WDR27: variants seen among roughly 807,000 people sequenced by gnomAD.
WDR27 encodes the protein WD repeat domain 27.
WDR27 carries 100 observed loss-of-function variants against 114.4 expected under a neutral mutation model. That is an observed-to-expected ratio of 0.87 (90% CI 0.74 to 1.03). The LOEUF is 1.03. Among genes scored for constraint, WDR27 ranks in the 50% least tolerant of loss-of-function variants. The pLI, the probability that WDR27 is intolerant of heterozygous loss-of-function variation, is 0.00. For synonymous variants in WDR27, 449 were observed against 423.1 expected, an observed-to-expected ratio of 1.06 and a Z score of -0.75; for missense variants, 1,129 against 1,092.9, an observed-to-expected ratio of 1.03 and a Z score of -0.47.
At chr6:169,687,348 GC>G (rs1279578480) in intron 2 of WDR27, among the ~76,000 whole-genome samples, 1 of 151,756 alleles carries the variant, frequency 6.6e-6, no homozygotes, top group Middle Eastern at 3.2e-3. Flanking sequence ...GGGACAGAAA[GC>G]CTATATTTAT....
intron 25 of WDR27, among the ~76,000 whole-genome samples, chr6:169,472,573 C>G (rs190451785): frequency 1.3e-5 from 2 of 151,978 alleles, no homozygotes; most frequent in East Asian, 3.9e-4. Context: ...TATCATAATA[C>G]CAGACACACA....
intron 25 of WDR27, among the ~76,000 whole-genome samples, chr6:169,477,513 G>A (rs1054323390): frequency 2.0e-4 from 30 of 152,204 alleles, no homozygotes; most frequent in South Asian, 1.0e-3. Flanking sequence ...ATCTCAGCTC[G>A]CTGAAACCTC....
chr6:169,462,561 TGAA>T (rs1292024373), intron 25 of WDR27, among the ~76,000 whole-genome samples: 1 of 151,878 alleles, frequency 6.6e-6, no homozygotes, highest in African/African-American at 2.4e-5. Context: ...ACCAAATATC[TGAA>T]GAAGAATTAA....
chr6:169,584,959 C>A (rs2143131), intron 23 of WDR27, among the ~76,000 whole-genome samples: 142,910 of 152,272 alleles, frequency 0.94, 67,141 homozygotes, highest in East Asian at 0.99. Flanking sequence ...CCAAAAAACA[C>A]AAACACAGAC....
intron 21 of WDR27, among the ~76,000 whole-genome samples, chr6:169,615,677 C>T (rs756074669): frequency 1.3e-5 from 2 of 152,056 alleles, no homozygotes; most frequent in African/African-American, 4.8e-5. Context: ...CTATAAAAAC[C>T]GTGGAAGATA....
intron 22 of WDR27, among the ~76,000 whole-genome samples, chr6:169,605,108 C>T (rs1202498553): frequency 1.3e-5 from 1 of 76,202 alleles, no homozygotes; most frequent in Non-Finnish European, 2.2e-5. Flanking sequence ...AGCAATTAGG[C>T]AAAAAAAAAA....
chr6:169,549,354 T>A (rs948414602), intron 25 of WDR27, among the ~76,000 whole-genome samples: 1 of 152,100 alleles, frequency 6.6e-6, no homozygotes, highest in East Asian at 1.9e-4. Flanking sequence ...ATGGCTAAAG[T>A]CCAGAACATG....
At chr6:169,432,431 C>A in the WDR27 span, among the ~76,000 whole-genome samples, 2 of 152,122 alleles carry the variant, frequency 1.3e-5, no homozygotes, top group Non-Finnish European at 1.5e-5. Flanking sequence ...TCTTGTAGCT[C>A]CCATAATTCC....
At chr6:169,444,236 A>C in the WDR27 span, among the ~76,000 whole-genome samples, 2 of 151,876 alleles carry the variant, frequency 1.3e-5, no homozygotes, top group South Asian at 2.1e-4. Flanking sequence ...TCTGCTACCC[A>C]CTCCATCACC....
At chr6:169,676,489 G>GA (rs1317808654) in intron 2 of WDR27, among the ~76,000 whole-genome samples, 1 of 152,274 alleles carries the variant, frequency 6.6e-6, no homozygotes, top group East Asian at 1.9e-4. Context: ...CTCTTGTGGG[G>GA]AAAATCTACA....
the WDR27 span, among the ~76,000 whole-genome samples, chr6:169,444,668 T>TG: frequency 9.1e-3 from 1,362 of 149,248 alleles, 24 homozygotes; most frequent in African/African-American, 0.033. Flanking sequence ...ACTGTTTTTT[T>TG]GTTTTTTTTT....
intron 25 of WDR27, among the ~76,000 whole-genome samples, chr6:169,536,859 G>A (rs2206325): frequency 0.61 from 92,033 of 151,954 alleles, 30,093 homozygotes; most frequent in East Asian, 0.72. Context: ...GGTAAGGTAC[G>A]TGGTTTAGTT....
At chr6:169,479,608 TAATG>T (rs1204803577) in intron 25 of WDR27, among the ~76,000 whole-genome samples, 3 of 152,236 alleles carry the variant, frequency 2.0e-5, no homozygotes, top group Non-Finnish European at 2.9e-5. Context: ...AAATCCAATT[TAATG>T]AGTTATTATT....
chr6:169,542,143 C>T (rs936120148), intron 25 of WDR27, among the ~76,000 whole-genome samples: 5 of 151,688 alleles, frequency 3.3e-5, no homozygotes, highest in East Asian at 1.9e-4. Context: ...GCAAAAATGC[C>T]GAATTTTATC....
At chr6:169,667,303 C>T (rs377224247) in intron 5 of WDR27, 116 bp from the exon 6 acceptor site, 1 of 1,254,478 alleles carries the variant, frequency 8.0e-7, no homozygotes. Context: ...TTATCTAAAA[C>T]AGAAAACAAT....
intron 22 of WDR27, among the ~76,000 whole-genome samples, chr6:169,603,870 T>C (rs892233623): frequency 6.6e-6 from 1 of 152,226 alleles, no homozygotes; most frequent in African/African-American, 2.4e-5. Context: ...AGAAGTGTAA[T>C]TGGACTGGGT....
chr6:169,692,496 T>C (rs1448385742), intron 1 of WDR27, among the ~76,000 whole-genome samples: 1 of 150,300 alleles, frequency 6.7e-6, no homozygotes, highest in Non-Finnish European at 1.5e-5. Context: ...GCAGAACTTA[T>C]GGCCATGCTC....
At chr6:169,604,709 C>G (rs1808747113) in intron 22 of WDR27, among the ~76,000 whole-genome samples, 1 of 152,002 alleles carries the variant, frequency 6.6e-6, no homozygotes, top group Admixed American at 6.6e-5. Context: ...AAAATACTAC[C>G]AAACAGAATC....
intron 25 of WDR27, among the ~76,000 whole-genome samples, chr6:169,458,805 CAAAG>C (rs1321245932): frequency 6.9e-6 from 1 of 145,722 alleles, no homozygotes; most frequent in East Asian, 2.0e-4. Context: ...AAAAAAGAAA[CAAAG>C]GAAAAGAAAA....
Sources: allele counts gnomAD v4.1 joint callset (sites outside exome capture counted in the v4.1 genomes callset), GRCh38; gene constraint gnomAD v4.1.1; transcripts MANE v1.5; gene names NCBI Gene and HGNC (gene_info 2026-07-23, HGNC 2026-07-21).